Variants in CAMTA2 observed in about 807,000 individuals in gnomAD.
The protein encoded by CAMTA2 is calmodulin-binding transcription activator 2.
In CAMTA2, 56 loss-of-function variants were observed where a neutral mutation model predicts 135.7. The observed-to-expected ratio is 0.41, with a 90% CI of 0.33 to 0.52. The LOEUF is 0.52. CAMTA2 is among the 20% of genes least tolerant of loss of function. The pLI is 0.16. For synonymous variants in CAMTA2, 591 were observed against 604.6 expected (o/e 0.98, Z 0.33); for missense variants, 1,358 against 1,553.4 (o/e 0.87, Z 2.11).
chr17:4,977,380 G>A (rs1365562291), intron 10 of CAMTA2, among the ~76,000 whole-genome samples, 188 bp from the exon 11 acceptor site: 2 of 152,242 alleles, frequency 1.3e-5, no homozygotes, highest in African/African-American at 2.4e-5. Context: ...AACTTAATAC[G>A]TACTATGGGC....
intron 15 of CAMTA2, 43 bp downstream of exon 15, chr17:4,972,726 C>G: frequency 6.3e-7 from 1 of 1,581,214 alleles, no homozygotes; most frequent in Non-Finnish European, 8.7e-7. Flanking sequence ...GGCCTATCCT[C>G]CTACCTACAT....
chr17:4,971,546 T>G lies in CAMTA2; in HGVS notation c.2808+686A>C, dbSNP rs1042248688. Among the ~76,000 whole-genome samples, 4 of 152,284 alleles carry G rather than the reference T, an allele frequency of 2.6e-5. 1 individual carries two copies. Among genetic ancestry groups the G allele is most frequent in the Admixed American group, 2.6e-4 (4 of 15,286 alleles). On this transcript the variant is annotated intron_variant, in intron 16 of 22. Coordinates refer to ENST00000348066, the MANE Select transcript of CAMTA2 (RefSeq NM_015099.4). ...TTTGTGTAGAGATGGGGTCTTGTTATGTTGGCCAGACTGGTCTCAAGCCCC... is the reference window on the plus strand; with the variant it reads ...TTTGTGTAGAGATGGGGTCTTGTTAGGTTGGCCAGACTGGTCTCAAGCCCC...
In CAMTA2 at chr17:4,980,300, G is replaced by A. The variant is rs1972878119; in HGVS notation, c.1022C>T (p.Thr341Ile). The A allele has an allele frequency of 4.3e-6, 7 of 1,611,656 alleles. No individual in the cohort carries two copies. The East Asian group carries it at 1.6e-4, about 36-fold the overall frequency. ...ATCAGCCTGTGGAGCCAAGTGCCTGGTGGGCGTCAAGCCTCCAGCCCGCTG... is the reference window on the plus strand; with the variant it reads ...ATCAGCCTGTGGAGCCAAGTGCCTGATGGGCGTCAAGCCTCCAGCCCGCTG... ...LEQRAGGLTPTRHLAPQADPR... is the reference protein window; with the variant it reads ...LEQRAGGLTPIRHLAPQADPR... Residue 341 changes from threonine (T) to isoleucine (I), a missense_variant, in exon 9 of 23, where the codon ACC becomes ATC. Thr to Ile is a moderately conservative substitution (Grantham distance 89). This residue lies in a region of CAMTA2 where 1,077 missense variants were observed against 1,127.5 expected (regional missense o/e 0.96). Transcript: ENST00000348066. The surrounding 1 kb of genome is among the most constrained non-coding windows in gnomAD (Gnocchi z 5.3).
At chr17:4,981,090 T>A (rs1329583602) in intron 8 of CAMTA2, 135 bp downstream of exon 8, 50 of 1,113,990 alleles carry the variant, frequency 4.5e-5, no homozygotes. Flanking sequence ...TCTGTTCATC[T>A]GGCCCATCTT....
rs578166024 is a variant in CAMTA2, at chr17:4,969,712, A to G, written c.3190-11T>C. 2.9e-5 allele frequency: 47 copies of G among 1,613,636 alleles called. No homozygotes were observed. The South Asian group carries it at 5.1e-4, about 17-fold the overall frequency. On this transcript the variant is annotated splice_polypyrimidine_tract_variant and intron_variant, in intron 18 of 22. Coordinates refer to ENST00000348066, the MANE Select transcript of CAMTA2 (RefSeq NM_015099.4). This position sits in a 1 kb window ranked among gnomAD's most constrained non-coding sequence, Gnocchi z 5.6. ...CTTCAGCCGCCGGCCCTGAAGGGAG[A>G]GAAGTCTCACCACCTCATGACCCAC...
chr17:4,972,113 A>G, intron 16 of CAMTA2, 119 bp downstream of exon 16: 1 of 842,098 alleles, frequency 1.2e-6, no homozygotes, highest in Non-Finnish European at 1.9e-6. Flanking sequence ...CCTGTCCCAA[A>G]ATGAAGTAAA....
Position 4,982,177 on chromosome 17 carries a change from TGGGGTG to T in CAMTA2, c.340-23_340-18del. ...ATAGAGACACTGCCAGGAGACAGGC[TGGGGTG>T]GGGGGAGGGCTAGTCTGCTCCCCAA... is the stretch of plus-strand genomic sequence containing the variant. On this transcript the variant is annotated intron_variant, in intron 5 of 22. Transcript: ENST00000348066. 1 of 609,540 alleles carries T rather than the reference TGGGGTG, an allele frequency of 1.6e-6. No homozygotes were observed. The highest frequency in any genetic ancestry group is 3.0e-6 in the Non-Finnish European group (1 of 335,934). 37.8% of individuals were successfully genotyped at this position (609,540 alleles called of 1,614,324 possible). A position where few individuals can be genotyped will look rare whatever the true frequency, so the allele number is the denominator to read the frequency against.
In CAMTA2 at chr17:4,970,093, C is replaced by T. The variant is rs752428269; in HGVS notation, c.3006-8G>A. ...CGCTCAAAGGGCAGTTCGCTGTAGG[C>T]GGTAGGGAAAGAGGGTGTCATGAAG... On this transcript the variant is annotated splice_region_variant and splice_polypyrimidine_tract_variant and intron_variant, in intron 17 of 22. Coordinates refer to ENST00000348066, the MANE Select transcript of CAMTA2 (RefSeq NM_015099.4). The T allele has an allele frequency of 3.1e-6, 5 of 1,612,474 alleles. No individual in the cohort carries two copies. The highest frequency in any genetic ancestry group is 2.2e-5 in the East Asian group (1 of 44,874).
chr17:4,977,246 G>A lies in CAMTA2; in HGVS notation c.1766-54C>T, dbSNP rs1972671795. The A allele has an allele frequency of 3.8e-6, 6 of 1,591,978 alleles. No individual in the cohort carries two copies. In the South Asian group the frequency reaches 4.4e-5, roughly 12 times the overall value. On this transcript the variant is annotated intron_variant, in intron 10 of 22. Transcript: ENST00000348066. The stretch of plus-strand genomic sequence containing the variant: ...CTCTCTTTCCCTGGCTCCTTCTCTG[G>A]CTACCTGTGTCAGCCACAGACAATT...
In CAMTA2 at chr17:4,979,983, C is replaced by T. The variant is rs1031912124; in HGVS notation, c.1339G>A (p.Asp447Asn). 3 of 1,613,550 alleles carry T rather than the reference C, an allele frequency of 1.9e-6. No homozygotes were observed. Among genetic ancestry groups the T allele is most frequent in the Non-Finnish European group, 2.5e-6 (3 of 1,179,948 alleles). Residue 447 changes from aspartate to asparagine, a missense_variant, in exon 9 of 23, where the codon GAT (aspartate) becomes AAT (asparagine). This residue lies in a region of CAMTA2 where 1,077 missense variants were observed against 1,127.5 expected (regional missense o/e 0.96). Coordinates refer to ENST00000348066, the MANE Select transcript of CAMTA2 (RefSeq NM_015099.4). ...RRGNCFFIQD[D>N]DSGEELKGHG... is the part of the protein sequence containing the mutation. ...CCCTTGAGCTCCTCCCCACTGTCATCATCTTGGATGAAGAAGCAGTTTCCT... is the reference window on the plus strand; with the variant it reads ...CCCTTGAGCTCCTCCCCACTGTCATTATCTTGGATGAAGAAGCAGTTTCCT...
chr17:4,975,280 G>A (rs540138954), intron 11 of CAMTA2, among the ~76,000 whole-genome samples: 1 of 152,104 alleles, frequency 6.6e-6, no homozygotes, highest in Admixed American at 6.6e-5. Flanking sequence ...TAGGAGGACA[G>A]AGAATGATGA....
At chr17:4,970,983 A>G (rs962562396) in intron 16 of CAMTA2, among the ~76,000 whole-genome samples, 3 of 152,198 alleles carry the variant, frequency 2.0e-5, no homozygotes, top group Admixed American at 6.5e-5. Context: ...CCAGCCCTGA[A>G]GCCTATACTC....
At chr17:4,986,597 A>C in intron 1 of CAMTA2, 2 of 502,692 alleles carry the variant, frequency 4.0e-6, no homozygotes, top group Non-Finnish European at 7.0e-6. Context: ...GACTGGGGCT[A>C]TGGTTGGGTC....
intron 1 of CAMTA2, 76 bp from the exon 2 acceptor site, chr17:4,986,362 G>A: frequency 6.2e-6 from 4 of 643,864 alleles, no homozygotes; most frequent in Admixed American, 5.8e-5. Flanking sequence ...GTAGGGAGTG[G>A]GTATAGAACT....
chr17:4,973,815 C>T, intron 12 of CAMTA2, 46 bp from the exon 13 acceptor site: 1 of 1,518,802 alleles, frequency 6.6e-7, no homozygotes. Context: ...ATCTACTCCC[C>T]TGGCTTGAGG....
At chr17:4,970,575 C>A in intron 16 of CAMTA2, 39 bp from the exon 17 acceptor site, 1 of 1,528,106 alleles carries the variant, frequency 6.5e-7, no homozygotes, top group Non-Finnish European at 9.0e-7. Context: ...CTTAGGGGCC[C>A]CAGCTGCCAG....
At chr17:4,985,372 T>C (rs1174572335) in intron 3 of CAMTA2, among the ~76,000 whole-genome samples, 1 of 152,226 alleles carries the variant, frequency 6.6e-6, no homozygotes, top group Non-Finnish European at 1.5e-5. Context: ...TAGCTTTTGT[T>C]TTTACCCAGG....
chr17:4,981,655 C>A (rs758832317), intron 7 of CAMTA2, 23 bp downstream of exon 7: 1 of 1,571,804 alleles, frequency 6.4e-7, no homozygotes, highest in Admixed American at 1.9e-5. Flanking sequence ...CCTTGGAGCT[C>A]TATCCCCACC....
chr17:4,970,682 T>C, intron 16 of CAMTA2, 146 bp from the exon 17 acceptor site: 1 of 662,188 alleles, frequency 1.5e-6, no homozygotes, highest in Non-Finnish European at 2.6e-6. Context: ...CATTCATTTA[T>C]ACTGATGGGG....
Sources: gnomAD v4.1 joint callset for allele counts (sites outside exome capture counted in the v4.1 genomes callset) on GRCh38, gnomAD v4.1.1 for gene constraint, gnomAD v4.1.1 regional missense constraint, Gnocchi (gnomAD v3.1) non-coding constraint, MANE v1.5 for transcripts, NCBI Gene and HGNC (gene_info 2026-07-23, HGNC 2026-07-21) for gene names.